Variants in SLC4A3 observed in about 807,000 individuals in gnomAD.
The protein encoded by SLC4A3 is solute carrier family 4 member 3, also known as anion exchange protein 3.
Under a neutral mutation model 114.2 loss-of-function variants are expected in SLC4A3, and 47 were observed. The observed-to-expected ratio is 0.41, with a 90% CI of 0.33 to 0.52. The LOEUF is 0.52. Among genes scored for constraint, SLC4A3 ranks in the 20% least tolerant of loss-of-function variants. The pLI, the probability that SLC4A3 is intolerant of heterozygous loss-of-function variation, is 0.21. For synonymous variants in SLC4A3, 693 were observed against 710.3 expected, an observed-to-expected ratio of 0.98 and a Z score of 0.39; for missense variants, 1,312 against 1,668.3, an observed-to-expected ratio of 0.79 and a Z score of 3.72.
Position 219,635,889 on chromosome 2 carries a change from T to G in SLC4A3, c.2189T>G (p.Leu730Arg), listed in dbSNP as rs1699102166. The change falls in exon 14 of 23, where the codon CTG becomes CGG. Residue 730 changes from leucine to arginine, a missense_variant and splice_region_variant. Physicochemically the swap from Leu to Arg is moderately radical, Grantham distance 102. Transcript: ENST00000358055. ...CCTGCCATCACCTTCGGGGGGCTGC[T>G]GGGTAAGGGACTGGGGCTTGGGGAG... ...LSPAITFGGL[L>R]GEKTEGLMGV... is the part of the protein sequence containing the mutation. The G allele has an allele frequency of 6.6e-7, 1 of 1,507,864 alleles. No individual in the cohort carries two copies. The highest frequency in any genetic ancestry group is 1.4e-5 in the African/African-American group (1 of 71,886). The allele number at this position is 1,507,864 out of a possible 1,614,324, so 93.4% of individuals were successfully genotyped here.
intron 20 of SLC4A3, among the ~76,000 whole-genome samples, chr2:219,640,172 ACCCACCTCGG>A (rs1262007859): frequency 1.4e-5 from 2 of 141,208 alleles, no homozygotes; most frequent in African/African-American, 2.6e-5. Flanking sequence ...CTCGTGATCC[ACCCACCTCGG>A]CCTCCCAAAG....
chr2:219,631,312 G>C lies in SLC4A3; in HGVS notation c.812-656G>C, dbSNP rs1348312565. The stretch of plus-strand genomic sequence containing the variant: ...CCTGGGCCTGGGGATACCAATAGCT[G>C]GGGCTTTGGGAGGGATCCAGCCCCC... On this transcript the variant is annotated intron_variant, in intron 6 of 22. Coordinates refer to ENST00000358055, the MANE Select transcript of SLC4A3 (RefSeq NM_005070.4). This position sits in a 1 kb window ranked among gnomAD's most constrained non-coding sequence, Gnocchi z 6.3. 2.3e-6 allele frequency: 3 copies of C among 1,303,960 alleles called. No individual in the cohort carries two copies. In the South Asian group the frequency reaches 3.7e-5, roughly 16 times the overall value. 80.8% of individuals were successfully genotyped at this position (1,303,960 alleles called of 1,614,324 possible). A position where few individuals can be genotyped will look rare whatever the true frequency, so the allele number is the denominator to read the frequency against.
rs573943462 is a variant in SLC4A3, at chr2:219,634,934, C to T, written c.1746+330C>T. On this transcript the variant is annotated intron_variant, in intron 12 of 22. Coordinates refer to ENST00000358055, the MANE Select transcript of SLC4A3 (RefSeq NM_005070.4). Reference sequence around the variant, plus strand: ...AGGAGGGTCCTTTAGCCAGGGGCAACGTTCACAATATTTATCAGCCTGTAA... The same window carrying T: ...AGGAGGGTCCTTTAGCCAGGGGCAATGTTCACAATATTTATCAGCCTGTAA... Among the ~76,000 whole-genome samples, 7 of 152,272 alleles carry T rather than the reference C, an allele frequency of 4.6e-5. No homozygotes were observed. The South Asian group carries it at 6.2e-4, about 14-fold the overall frequency.
Position 219,630,041 on chromosome 2 carries a change from G to T in SLC4A3, c.612-112G>T, listed in dbSNP as rs748861090. ...CAGCATCCTTTGCTGCCCAGGAGGG[G>T]CCTGGGTCTCATGCTCAGGGTCTAC... On this transcript the variant is annotated intron_variant, in intron 5 of 22. Coordinates refer to ENST00000358055, the MANE Select transcript of SLC4A3 (RefSeq NM_005070.4). This position sits in a 1 kb window ranked among gnomAD's most constrained non-coding sequence, Gnocchi z 6.9. 4 of 1,526,364 alleles carry T rather than the reference G, an allele frequency of 2.6e-6. No individual in the cohort carries two copies. Among genetic ancestry groups the T allele is most frequent in the Non-Finnish European group, 3.5e-6 (4 of 1,136,000 alleles). The allele number at this position is 1,526,364 out of a possible 1,614,324, so 94.6% of individuals were successfully genotyped here. A position where few individuals can be genotyped will look rare whatever the true frequency, so the allele number is the denominator to read the frequency against.
rs971115686 is a variant in SLC4A3, at chr2:219,637,274, T to C, written c.2536-307T>C. 6.6e-6 allele frequency among the ~76,000 whole-genome samples: 1 copy of C among 150,704 alleles called. No individual in the cohort carries two copies. The highest frequency in any genetic ancestry group is 1.5e-5 in the Non-Finnish European group (1 of 67,752). On this transcript the variant is annotated intron_variant, in intron 16 of 22. Transcript: ENST00000358055. The surrounding 1 kb of genome is among the most constrained non-coding windows in gnomAD (Gnocchi z 4.6). ...TGTATGTGTTGTGTGTGTGTGCGTG[T>C]GTGTGCCTGTGTGTGCATGTTGTGT...
At position 219,629,651 on chromosome 2, in the gene SLC4A3, C is replaced by G. The variant is rs1698848077; in HGVS notation, c.567C>G (p.Pro189=). The change falls in exon 5 of 23, where the codon CCC becomes CCG. Residue 189 remains proline, a synonymous_variant. Coordinates refer to ENST00000358055, the MANE Select transcript of SLC4A3 (RefSeq NM_005070.4). Reference sequence around the variant, plus strand: ...GGGCTGCTGTCACCAAGCCCCTGCCCTCGGTGGGCCCACACACTGACAAGA... The same window carrying G: ...GGGCTGCTGTCACCAAGCCCCTGCCGTCGGTGGGCCCACACACTGACAAGA... ...PGRAAVTKPL[P]SVGPHTDKSP... 1 of 1,613,268 alleles carries G rather than the reference C, an allele frequency of 6.2e-7. No homozygotes were observed. The highest frequency in any genetic ancestry group is 1.7e-5 in the Admixed American group (1 of 59,978).
At position 219,631,283 on chromosome 2, in the gene SLC4A3, G is replaced by T. The variant is rs1450169985; in HGVS notation, c.812-685G>T. The T allele has an allele frequency of 7.7e-7, 1 of 1,298,586 alleles. No homozygotes were observed. Among genetic ancestry groups the T allele is most frequent in the Non-Finnish European group, 1.0e-6 (1 of 984,766 alleles). 80.4% of individuals were successfully genotyped at this position (1,298,586 alleles called of 1,614,324 possible). On this transcript the variant is annotated intron_variant, in intron 6 of 22. Transcript: ENST00000358055. The surrounding 1 kb of genome is among the most constrained non-coding windows in gnomAD (Gnocchi z 6.3). ...AGGACCCTGAGCCCAATGGGGCACT[G>T]AGCCCTGGGCCTGGGGATACCAATA...
chr2:219,629,505 T>G, intron 4 of SLC4A3, 75 bp from the exon 5 acceptor site: 1 of 1,583,422 alleles, frequency 6.3e-7, no homozygotes, highest in Non-Finnish European at 8.7e-7. Context: ...GTTGGGGGCC[T>G]GTGTGAGGCT....
Position 219,636,880 on chromosome 2 carries a change from G to C in SLC4A3, c.2535+6G>C, listed in dbSNP as rs1422227997. ...CCTTCTACAAGCTCTACAAGGTGGA[G>C]GTCCAGCGAGGTCTTGGGGGTGGCA... On this transcript the variant is annotated splice_donor_region_variant and intron_variant, in intron 16 of 22. Transcript: ENST00000358055. This position sits in a 1 kb window ranked among gnomAD's most constrained non-coding sequence, Gnocchi z 5.5. The C allele has an allele frequency of 1.9e-6, 3 of 1,610,092 alleles. No individual in the cohort carries two copies. Among genetic ancestry groups the C allele is most frequent in the Non-Finnish European group, 2.5e-6 (3 of 1,176,958 alleles).
chr2:219,632,166 C>G, intron 7 of SLC4A3, 50 bp downstream of exon 7: 1 of 1,606,702 alleles, frequency 6.2e-7, no homozygotes, highest in African/African-American at 1.3e-5. Flanking sequence ...CCCCTCGGCC[C>G]CGGAGCCCTC....
rs1699139030 is a variant in SLC4A3 at position 219,636,956 on chromosome 2, A to G, written c.2535+82A>G. 1.7e-6 allele frequency: 2 copies of G among 1,208,484 alleles called. No homozygotes were observed. The highest frequency in any genetic ancestry group is 2.4e-6 in the Non-Finnish European group (2 of 835,742). 74.9% of individuals were successfully genotyped at this position (1,208,484 alleles called of 1,614,324 possible). On this transcript the variant is annotated intron_variant, in intron 16 of 22. Coordinates refer to ENST00000358055, the MANE Select transcript of SLC4A3 (RefSeq NM_005070.4). This position sits in a 1 kb window ranked among gnomAD's most constrained non-coding sequence, Gnocchi z 5.5. Reference sequence around the variant, plus strand: ...GGAGGACAGCATGGGAGGGGGAGGTATGGAGAACTAGGGGACAAGGAGAGG... The same window carrying G: ...GGAGGACAGCATGGGAGGGGGAGGTGTGGAGAACTAGGGGACAAGGAGAGG...
intron 21 of SLC4A3, 39 bp downstream of exon 21, chr2:219,640,638 CG>C (rs1559207403): frequency 6.2e-7 from 1 of 1,600,418 alleles, no homozygotes; most frequent in South Asian, 1.1e-5. Flanking sequence ...AGTGGGGTGA[CG>C]GGAAGGGGAT....
At position 219,631,388 on chromosome 2, in the gene SLC4A3, C is replaced by G. The variant is rs1242564096; in HGVS notation, c.812-580C>G. On this transcript the variant is annotated intron_variant, in intron 6 of 22. Transcript: ENST00000358055. This position sits in a 1 kb window ranked among gnomAD's most constrained non-coding sequence, Gnocchi z 6.3. ...AAGACTTAGAGATGTTTGTGCTGGA[C>G]TTTGAGGATGGTGACCTGTGGGAGT... 7.7e-7 allele frequency: 1 copy of G among 1,304,242 alleles called. No homozygotes were observed. The highest frequency in any genetic ancestry group is 1.2e-5 in the South Asian group (1 of 81,034). 80.8% of individuals were successfully genotyped at this position (1,304,242 alleles called of 1,614,324 possible).
chr2:219,636,661 C>T lies in SLC4A3; in HGVS notation c.2341-19C>T, dbSNP rs372144426. ...GGGCAGTCCACCTGTGGGTAACGAC[C>T]GCTCCTACCCCCACCTAGTTCTGCC... On this transcript the variant is annotated intron_variant, in intron 15 of 22. Coordinates refer to ENST00000358055, the MANE Select transcript of SLC4A3 (RefSeq NM_005070.4). This position sits in a 1 kb window ranked among gnomAD's most constrained non-coding sequence, Gnocchi z 5.5. 7.5e-5 allele frequency: 121 copies of T among 1,603,312 alleles called. No homozygotes were observed. Among genetic ancestry groups the T allele is most frequent in the Middle Eastern group, 3.6e-4 (2 of 5,590 alleles).
rs1348986091 is a variant in SLC4A3 at position 219,631,981 on chromosome 2, G to C, written c.825G>C (p.Glu275Asp). ...DLDDMKSHRLEDNPGVRRHLV... is the reference protein window; with the variant it reads ...DLDDMKSHRLDDNPGVRRHLV... ...TCTTCTCTGCAGGTCACCGACTGGA[G>C]GACAACCCTGGTGTGCGGCGACACT... is the stretch of plus-strand genomic sequence containing the variant. The change falls in exon 7 of 23, where the codon GAG (glutamate) becomes GAC (aspartate). Residue 275 changes from glutamate (E) to aspartate (D), a missense_variant. Coordinates refer to ENST00000358055, the MANE Select transcript of SLC4A3 (RefSeq NM_005070.4). The surrounding 1 kb of genome is among the most constrained non-coding windows in gnomAD (Gnocchi z 6.3). 1 of 1,606,874 alleles carries C rather than the reference G, an allele frequency of 6.2e-7. No homozygotes were observed. The highest frequency in any genetic ancestry group is 2.2e-5 in the East Asian group (1 of 44,700).
chr2:219,629,994 G>A lies in SLC4A3; in HGVS notation c.612-159G>A, dbSNP rs571454360. The A allele has an allele frequency of 4.8e-4, 683 of 1,433,850 alleles. 3 individuals carry two copies. In the African/African-American group the frequency reaches 8.8e-3, roughly 18 times the overall value. 88.8% of individuals were successfully genotyped at this position (1,433,850 alleles called of 1,614,324 possible). ...AAAGGTGGAGGAAAGGGGGAGCCACGGGATGGGGAGGGGGCCTGGGTCAGC... is the reference window on the plus strand; with the variant it reads ...AAAGGTGGAGGAAAGGGGGAGCCACAGGATGGGGAGGGGGCCTGGGTCAGC... On this transcript the variant is annotated intron_variant, in intron 5 of 22. Coordinates refer to ENST00000358055, the MANE Select transcript of SLC4A3 (RefSeq NM_005070.4).
In SLC4A3 at chr2:219,638,161, A is replaced by G; in HGVS notation, c.2767-3A>G. On this transcript the variant is annotated splice_region_variant and splice_polypyrimidine_tract_variant and intron_variant, in intron 17 of 22. Transcript: ENST00000358055. This position sits in a 1 kb window ranked among gnomAD's most constrained non-coding sequence, Gnocchi z 7.5. Reference sequence around the variant, plus strand: ...CTCCCTTCCCCAACTGGCCCCTCTCAAGGCTCGTCGCATCATCGGGGACTT... The same window carrying G: ...CTCCCTTCCCCAACTGGCCCCTCTCGAGGCTCGTCGCATCATCGGGGACTT... The G allele has an allele frequency of 1.9e-6, 3 of 1,609,742 alleles. No homozygotes were observed. Among genetic ancestry groups the G allele is most frequent in the Non-Finnish European group, 2.5e-6 (3 of 1,177,672 alleles).
At position 219,638,870 on chromosome 2, in the gene SLC4A3, G is replaced by A. The variant is rs761944596; in HGVS notation, c.3023+1G>A. On this transcript the variant is annotated splice_donor_variant, in intron 19 of 22. Coordinates refer to ENST00000358055, the MANE Select transcript of SLC4A3 (RefSeq NM_005070.4). LOFTEE classifies it high-confidence loss of function. The surrounding 1 kb of genome is among the most constrained non-coding windows in gnomAD (Gnocchi z 7.5). ...TCTTCATGGAGACACAGATCACGGC[G>A]TGAGAGAGATGGGAGGAGGAGGTGG... 1.9e-6 allele frequency: 3 copies of A among 1,613,154 alleles called. No individual in the cohort carries two copies. The highest frequency in any genetic ancestry group is 2.5e-6 in the Non-Finnish European group (3 of 1,179,974).
At position 219,638,111 on chromosome 2, in the gene SLC4A3, C is replaced by T. The variant is rs369543365; in HGVS notation, c.2767-53C>T. ...CAGAGATGGCAAGCCCCGTGTTAGT[C>T]TGCTGACCTTGCCTCCACCTTTTGC... On this transcript the variant is annotated intron_variant, in intron 17 of 22. Coordinates refer to ENST00000358055, the MANE Select transcript of SLC4A3 (RefSeq NM_005070.4). The surrounding 1 kb of genome is among the most constrained non-coding windows in gnomAD (Gnocchi z 7.5). The T allele has an allele frequency of 6.3e-5, 90 of 1,418,616 alleles. No homozygotes were observed. The highest frequency in any genetic ancestry group is 8.5e-5 in the Non-Finnish European group (87 of 1,018,734). The allele number at this position is 1,418,616 out of a possible 1,614,324, so 87.9% of individuals were successfully genotyped here. A position where few individuals can be genotyped will look rare whatever the true frequency, so the allele number is the denominator to read the frequency against.
Sources: allele counts gnomAD v4.1 joint callset (sites outside exome capture counted in the v4.1 genomes callset), GRCh38; gene constraint gnomAD v4.1.1; non-coding constraint Gnocchi (gnomAD v3.1); transcripts MANE v1.5; gene names NCBI Gene and HGNC (gene_info 2026-07-23, HGNC 2026-07-21).